Variants in EYS observed in about 807,000 individuals in gnomAD.
EYS encodes the protein protein eyes shut homolog.
In EYS, 250 loss-of-function variants were observed where a neutral mutation model predicts 282.1. That is an observed-to-expected ratio of 0.89 (90% CI 0.80 to 0.98). The LOEUF (loss-of-function observed/expected upper bound fraction) is 0.98, where lower values mean the gene tolerates loss of function less well. Among genes scored for constraint, EYS ranks in the 50% least tolerant of loss-of-function variants. The pLI is 0.00. For synonymous variants in EYS, 1,355 were observed against 1,282.9 expected (o/e 1.06, Z -1.20); for missense variants, 4,016 against 3,709.0 (o/e 1.08, Z -2.15).
chr6:64,138,547 A>T (rs553555247), intron 31 of EYS, among the ~76,000 whole-genome samples: 1 of 152,290 alleles, frequency 6.6e-6, no homozygotes, highest in African/African-American at 2.4e-5. Flanking sequence ...GAGTCAAGAG[A>T]GTATACTTCT....
At chr6:63,912,313 A>AGCC (rs1764274097) in intron 35 of EYS, among the ~76,000 whole-genome samples, 1 of 152,190 alleles carries the variant, frequency 6.6e-6, no homozygotes, top group South Asian at 2.1e-4. Context: ...GCTATTCAAT[A>AGCC]TGCAGATAAT....
chr6:64,850,780 T>C (rs115903110), intron 19 of EYS, among the ~76,000 whole-genome samples: 2,905 of 152,120 alleles, frequency 0.019, 93 homozygotes, highest in African/African-American at 0.065. Context: ...GTAAATTAGT[T>C]CAAAAGTAAT....
intron 31 of EYS, among the ~76,000 whole-genome samples, chr6:64,144,809 C>T (rs535264863): frequency 6.6e-6 from 1 of 152,214 alleles, no homozygotes; most frequent in Admixed American, 6.6e-5. Flanking sequence ...TCGCGCAGAA[C>T]AAGAGGGGCT....
chr6:64,782,559 G>A (rs976973271), intron 22 of EYS, among the ~76,000 whole-genome samples: 1 of 151,980 alleles, frequency 6.6e-6, no homozygotes, highest in African/African-American at 2.4e-5. Flanking sequence ...TTTAAGCTAG[G>A]ATAAGTGCAT....
At chr6:63,762,220 CAAAAT>C (rs1426864316) in intron 41 of EYS, among the ~76,000 whole-genome samples, 4 of 151,896 alleles carry the variant, frequency 2.6e-5, no homozygotes, top group Non-Finnish European at 5.9e-5. Flanking sequence ...AACATCTACA[CAAAAT>C]AGAGAATTTA....
At chr6:65,427,801 A>G (rs1279199673) in intron 5 of EYS, among the ~76,000 whole-genome samples, 2 of 152,078 alleles carry the variant, frequency 1.3e-5, no homozygotes, top group African/African-American at 4.8e-5. Context: ...AATGCAATAT[A>G]TGATTTATTA....
chr6:65,244,122 G>C (rs1176416724), intron 12 of EYS, among the ~76,000 whole-genome samples: 1 of 152,118 alleles, frequency 6.6e-6, no homozygotes, highest in African/African-American at 2.4e-5. Context: ...TCTCCCTAAG[G>C]GGCTTGGAGA....
chr6:64,394,848 G>C (rs148895669), intron 28 of EYS, among the ~76,000 whole-genome samples: 1 of 152,078 alleles, frequency 6.6e-6, no homozygotes, highest in South Asian at 2.1e-4. Context: ...ACAGGCAACT[G>C]ACAAAATGGG....
intron 12 of EYS, among the ~76,000 whole-genome samples, chr6:65,245,408 G>T (rs1033567855): frequency 1.6e-4 from 24 of 152,012 alleles, no homozygotes; most frequent in Admixed American, 1.6e-3. Context: ...TGCAATCCAG[G>T]ATTCAGGCAA....
intron 12 of EYS, among the ~76,000 whole-genome samples, chr6:65,193,233 A>G (rs1242739594): frequency 1.3e-5 from 2 of 151,880 alleles, no homozygotes; most frequent in African/African-American, 4.8e-5. Context: ...AAGCTAAAGT[A>G]GATAAATTTT....
chr6:65,524,593 A>C (rs1454762387), intron 2 of EYS, among the ~76,000 whole-genome samples: 1 of 152,200 alleles, frequency 6.6e-6, no homozygotes, highest in Non-Finnish European at 1.5e-5. Flanking sequence ...CTGTTTTATC[A>C]AACCACTTAC....
At chr6:64,142,968 T>C (rs190087476) in intron 31 of EYS, among the ~76,000 whole-genome samples, 6 of 152,278 alleles carry the variant, frequency 3.9e-5, no homozygotes, top group African/African-American at 1.4e-4. Context: ...AAATGTGGTA[T>C]ATCCAAACAA....
intron 35 of EYS, among the ~76,000 whole-genome samples, chr6:63,925,324 C>G (rs889196894): frequency 4.6e-5 from 7 of 152,064 alleles, no homozygotes; most frequent in African/African-American, 1.7e-4. Context: ...GAAAGAATAA[C>G]AAGAGAAACA....
intron 29 of EYS, among the ~76,000 whole-genome samples, chr6:64,322,239 T>A (rs1479650350): frequency 2.6e-5 from 4 of 151,998 alleles, no homozygotes; most frequent in African/African-American, 4.8e-5. Context: ...AGGTGTGCTT[T>A]AAAAAATCTG....
chr6:63,995,668 A>C (rs147477814), intron 34 of EYS, among the ~76,000 whole-genome samples: 1 of 152,076 alleles, frequency 6.6e-6, no homozygotes, highest in Non-Finnish European at 1.5e-5. Context: ...TAGAAACAAC[A>C]TAAATGTCCA....
At chr6:64,503,014 G>A (rs1489628956) in intron 26 of EYS, among the ~76,000 whole-genome samples, 3 of 152,052 alleles carry the variant, frequency 2.0e-5, no homozygotes, top group Admixed American at 6.6e-5. Flanking sequence ...CAAATATGTT[G>A]TTGCCATAGC....
chr6:64,039,247 T>A (rs1229446096), intron 33 of EYS, among the ~76,000 whole-genome samples: 1 of 152,234 alleles, frequency 6.6e-6, no homozygotes, highest in African/African-American at 2.4e-5. Flanking sequence ...ATTGAATTTT[T>A]ACTTTAGATA....
chr6:65,579,208 C>T (rs908435518), intron 2 of EYS, among the ~76,000 whole-genome samples: 1 of 151,832 alleles, frequency 6.6e-6, no homozygotes, highest in Non-Finnish European at 1.5e-5. Flanking sequence ...ATAGCAAGTA[C>T]TTAAAAAACA....
intron 22 of EYS, among the ~76,000 whole-genome samples, chr6:64,659,441 C>G (rs1455028362): frequency 6.6e-6 from 1 of 151,882 alleles, no homozygotes; most frequent in East Asian, 1.9e-4. Context: ...ATCAATGAAT[C>G]CAGGAGCTGG....
Sources: allele counts gnomAD v4.1 joint callset (sites outside exome capture counted in the v4.1 genomes callset), GRCh38; gene constraint gnomAD v4.1.1; transcripts MANE v1.5; gene names NCBI Gene and HGNC (gene_info 2026-07-23, HGNC 2026-07-21).